CDH4: variants seen among roughly 807,000 people sequenced by gnomAD.
CDH4 encodes cadherin-4.
CDH4 carries 33 observed loss-of-function variants against 86.0 expected under a neutral mutation model. The observed-to-expected ratio is 0.38, with a 90% CI of 0.29 to 0.51. The LOEUF is 0.51. Among genes scored for constraint, CDH4 ranks in the 20% least tolerant of loss-of-function variants. The pLI, the probability that CDH4 is intolerant of heterozygous loss-of-function variation, is 0.86. For synonymous variants in CDH4, 555 were observed against 549.4 expected (o/e 1.01, Z -0.14); for missense variants, 1,114 against 1,307.4 (o/e 0.85, Z 2.28).
At chr20:61,752,370 CAT>C (rs932534125) in intron 3 of CDH4, among the ~76,000 whole-genome samples, 1 of 141,800 alleles carries the variant, frequency 7.1e-6, no homozygotes, top group African/African-American at 2.6e-5. Context: ...ATCATCAAAA[CAT>C]ATATCTTAAA....
intron 2 of CDH4, among the ~76,000 whole-genome samples, chr20:61,585,234 G>C (rs765726762): frequency 6.6e-6 from 1 of 152,244 alleles, no homozygotes; most frequent in Non-Finnish European, 1.5e-5. Flanking sequence ...GCTGTGCAGA[G>C]CAGCAAGGCT....
intron 2 of CDH4, among the ~76,000 whole-genome samples, chr20:61,257,046 C>T (rs1420916424): frequency 2.0e-5 from 3 of 152,186 alleles, no homozygotes; most frequent in Non-Finnish European, 2.9e-5. Context: ...GAAGAGGAAA[C>T]AGGAAGTGTG....
rs11476350 is a variant in CDH4 at position 61,937,218 on chromosome 20, T to TAAAAAAAAAAA, written c.*284_*294dup. 9.7e-6 allele frequency: 1 copy of TAAAAAAAAAAA among 103,156 alleles called. No homozygotes were observed. The highest frequency in any genetic ancestry group is 1.7e-5 in the Non-Finnish European group (1 of 57,590). 6.4% of individuals were successfully genotyped at this position (103,156 alleles called of 1,614,324 possible). A position where few individuals can be genotyped will look rare whatever the true frequency, so the allele number is the denominator to read the frequency against. ...TTTCCTAGAACAGAAGCACTGTTTT[T>TAAAAAAAAAAA]AAAAAAAAAAAAAAAAAAAGAAGAA... is the stretch of plus-strand genomic sequence containing the variant. On this transcript the variant is annotated 3_prime_UTR_variant, in exon 16 of 16. Transcript: ENST00000614565.
chr20:61,449,459 GTC>G lies in CDH4; in HGVS notation c.169+194529_169+194530del, dbSNP rs1424910852. Among the ~76,000 whole-genome samples the G allele has an allele frequency of 4.6e-5, 7 of 152,344 alleles. No homozygotes were observed. The Middle Eastern group carries it at 0.01, about 222-fold the overall frequency. On this transcript the variant is annotated intron_variant, in intron 2 of 15. Coordinates refer to ENST00000614565, the MANE Select transcript of CDH4 (RefSeq NM_001794.5). ...TAAGGACTATCCAGCCTGCCTTCTA[GTC>G]TCTCTCCGTAGCCTGTGACGTGGGG...
At chr20:61,572,296 G>A (rs1223787821) in intron 2 of CDH4, among the ~76,000 whole-genome samples, 2 of 152,186 alleles carry the variant, frequency 1.3e-5, no homozygotes, top group Non-Finnish European at 2.9e-5. Flanking sequence ...GATGTTATAT[G>A]TGTTATATCT....
intron 2 of CDH4, among the ~76,000 whole-genome samples, chr20:61,403,471 C>G (rs1466450557): frequency 6.6e-6 from 1 of 152,098 alleles, no homozygotes; most frequent in Non-Finnish European, 1.5e-5. Context: ...GTCTACGGTC[C>G]CCTCTCTAGA....
intron 6 of CDH4, among the ~76,000 whole-genome samples, chr20:61,856,354 G>A (rs1983003986): frequency 1.3e-5 from 2 of 152,224 alleles, no homozygotes; most frequent in South Asian, 4.1e-4. Context: ...GGATCCATGA[G>A]GGTCCTGTGT....
intron 2 of CDH4, among the ~76,000 whole-genome samples, chr20:61,554,852 G>A (rs1265079032): frequency 6.6e-6 from 1 of 151,748 alleles, no homozygotes; most frequent in Non-Finnish European, 1.5e-5. Context: ...ATGTATGCGT[G>A]AGTTCGCATG....
At chr20:61,887,146 A>T (rs1337571294) in intron 7 of CDH4, among the ~76,000 whole-genome samples, 2 of 151,004 alleles carry the variant, frequency 1.3e-5, no homozygotes, top group Non-Finnish European at 3.0e-5. Context: ...AAAGGGGGAG[A>T]TGGGCACAGT....
At position 61,882,181 on chromosome 20, in the gene CDH4, C is replaced by T. The variant is rs537558072; in HGVS notation, c.1050+8281C>T. On this transcript the variant is annotated intron_variant, in intron 7 of 15. Transcript: ENST00000614565. Reference sequence around the variant, plus strand: ...AGCAGCCAGACCCAGTCCCTTTTGCCGAGAAGCCTGTGTCTGGCTTTGTGC... The same window carrying T: ...AGCAGCCAGACCCAGTCCCTTTTGCTGAGAAGCCTGTGTCTGGCTTTGTGC... Among the ~76,000 whole-genome samples the T allele has an allele frequency of 2.1e-4, 32 of 152,362 alleles. 1 individual carries two copies. The South Asian group carries it at 4.8e-3, about 23-fold the overall frequency.
At chr20:61,673,608 G>T (rs768747020) in intron 2 of CDH4, among the ~76,000 whole-genome samples, 2 of 152,192 alleles carry the variant, frequency 1.3e-5, no homozygotes, top group Admixed American at 6.5e-5. Flanking sequence ...CCAGAAGGCC[G>T]CCCGTTCTTG....
intron 2 of CDH4, among the ~76,000 whole-genome samples, chr20:61,564,614 T>C (rs552314225): frequency 8.1e-4 from 123 of 152,328 alleles, no homozygotes; most frequent in African/African-American, 2.5e-3. Context: ...GCCAGCACCA[T>C]GCATCCTGTA....
chr20:61,531,933 TTCTTA>T (rs1278434669), intron 2 of CDH4, among the ~76,000 whole-genome samples: 1 of 152,268 alleles, frequency 6.6e-6, no homozygotes, highest in African/African-American at 2.4e-5. Flanking sequence ...TTAAAGTTTG[TTCTTA>T]TCTTCTGCGC....
At chr20:61,263,887 G>T (rs1451338754) in intron 2 of CDH4, among the ~76,000 whole-genome samples, 1 of 152,082 alleles carries the variant, frequency 6.6e-6, no homozygotes, top group South Asian at 2.1e-4. Context: ...CAGCCGTGAA[G>T]CATCTCTGTG....
At position 61,923,634 on chromosome 20, in the gene CDH4, G is replaced by C. The variant is rs148441133; in HGVS notation, c.1558G>C (p.Val520Leu). ...NHKLIRLEEG[V>L]PPGTVLTTFS... ...CAAGCTGATCCGCCTGGAGGAGGGC[G>C]TGCCCCCCGGCACCGTGCTGACCAC... Residue 520 changes from valine (V) to leucine (L), a missense_variant, in exon 10 of 16, where the codon GTG (valine) becomes CTG (leucine). Transcript: ENST00000614565. 1.4e-3 allele frequency: 2,189 copies of C among 1,614,066 alleles called. 2 individuals are homozygous for C. Among genetic ancestry groups the C allele is most frequent in the Non-Finnish European group, 1.7e-3 (1,984 of 1,180,026 alleles).
intron 2 of CDH4, among the ~76,000 whole-genome samples, chr20:61,505,640 G>A (rs1008469250): frequency 4.0e-5 from 6 of 151,776 alleles, no homozygotes; most frequent in Non-Finnish European, 7.4e-5. Flanking sequence ...GGTCATGGCC[G>A]TTTTTATTCT....
intron 4 of CDH4, among the ~76,000 whole-genome samples, chr20:61,819,977 C>A (rs1980930922): frequency 6.6e-6 from 1 of 152,222 alleles, no homozygotes; most frequent in African/African-American, 2.4e-5. Context: ...AGGCCTTGAG[C>A]CAAGCCCAGG....
At chr20:61,400,919 C>G (rs1600942702) in intron 2 of CDH4, among the ~76,000 whole-genome samples, 1 of 152,254 alleles carries the variant, frequency 6.6e-6, no homozygotes, top group African/African-American at 2.4e-5. Flanking sequence ...CGTCCCTTTG[C>G]CACTGTAGTC....
chr20:61,489,108 C>G (rs1483806831), intron 2 of CDH4, among the ~76,000 whole-genome samples: 3 of 152,164 alleles, frequency 2.0e-5, no homozygotes, highest in African/African-American at 7.2e-5. Context: ...TCTGGGCAAC[C>G]CCATCTCCTC....
Sources: gnomAD v4.1 joint callset for allele counts (sites outside exome capture counted in the v4.1 genomes callset) on GRCh38, gnomAD v4.1.1 for gene constraint, MANE v1.5 for transcripts, NCBI Gene and HGNC (gene_info 2026-07-23, HGNC 2026-07-21) for gene names.